Variants in STK35 observed in about 807,000 individuals in gnomAD.
The protein encoded by STK35 is serine/threonine kinase 35.
A neutral mutation model predicts 37.3 loss-of-function variants in STK35; 17 were observed. That is an observed-to-expected ratio of 0.46 (90% CI 0.31 to 0.68). The LOEUF is 0.68. Ranked by LOEUF, STK35 falls within the 30% of genes least tolerant of loss-of-function variation. The probability of loss-of-function intolerance (pLI) is 0.05; values close to 1 mark genes in which losing one functional copy is unlikely to be tolerated. For missense variants in STK35, 595 were observed against 746.7 expected (o/e 0.80, Z 2.37); for synonymous variants, 385 against 319.1 (o/e 1.21, Z -2.20).
intron 2 of STK35, among the ~76,000 whole-genome samples, chr20:2,113,987 C>A (rs544916936): frequency 3.2e-4 from 48 of 152,240 alleles, no homozygotes; most frequent in Middle Eastern, 3.4e-3. Flanking sequence ...AGGCAGTGGT[C>A]AGAGTTGGGG....
rs1265868374 is a variant in STK35 at position 2,107,601 on chromosome 20, T to C, written c.892+4236T>C. ...TAGTACAGTTGTCTGGGAGTTTAGTTAGGGGCATTGGGGAAGCAGGGGAAG... is the reference window on the plus strand; with the variant it reads ...TAGTACAGTTGTCTGGGAGTTTAGTCAGGGGCATTGGGGAAGCAGGGGAAG... On this transcript the variant is annotated intron_variant, in intron 2 of 3. Coordinates refer to ENST00000381482, the MANE Select transcript of STK35 (RefSeq NM_080836.4). Among the ~76,000 whole-genome samples the C allele has an allele frequency of 2.6e-5, 4 of 152,272 alleles. No individual in the cohort carries two copies. The East Asian group carries it at 7.7e-4, about 29-fold the overall frequency.
At position 2,102,901 on chromosome 20, in the gene STK35, G is replaced by C; in HGVS notation, c.428G>C (p.Arg143Thr). The C allele has an allele frequency of 6.4e-7, 1 of 1,566,464 alleles. No individual in the cohort carries two copies. Among genetic ancestry groups the C allele is most frequent in the Non-Finnish European group, 8.6e-7 (1 of 1,164,640 alleles). Residue 143 changes from arginine to threonine, a missense_variant, in exon 2 of 4, where the codon AGA becomes ACA. This residue lies in a region of STK35 where 389 missense variants were observed against 320.0 expected (regional missense o/e 1.22). Transcript: ENST00000381482. Reference sequence around the variant, plus strand: ...GAAACGGGGAAGGACGGCGCCCGCAGAGGTACACAAAGCCCGGAGCGGAAA... The same window carrying C: ...GAAACGGGGAAGGACGGCGCCCGCACAGGTACACAAAGCCCGGAGCGGAAA... The part of the protein sequence containing the change: ...AMETGKDGAR[R>T]GTQSPERKRR...
intron 3 of STK35, among the ~76,000 whole-genome samples, chr20:2,120,134 C>T (rs1382421129): frequency 1.3e-5 from 2 of 152,172 alleles, no homozygotes; most frequent in Admixed American, 1.3e-4. Flanking sequence ...TGAAAGACCT[C>T]TTAAAATTCA....
Position 2,119,848 on chromosome 20 carries a change from G to C in STK35, c.*37+2433G>C, listed in dbSNP as rs1233095038. On this transcript the variant is annotated intron_variant, in intron 3 of 3. Transcript: ENST00000381482. ...CTTCATTATCCTCTGGTTTCTAGGTGGGGTTGGCTCATTCCAAGTTGAGCT... is the reference window on the plus strand; with the variant it reads ...CTTCATTATCCTCTGGTTTCTAGGTCGGGTTGGCTCATTCCAAGTTGAGCT... Among the ~76,000 whole-genome samples, 5 of 152,292 alleles carry C rather than the reference G, an allele frequency of 3.3e-5. No individual in the cohort carries two copies. The East Asian group carries it at 9.7e-4, about 29-fold the overall frequency.
intron 3 of STK35, among the ~76,000 whole-genome samples, chr20:2,138,965 G>A (rs914685621): frequency 2.0e-5 from 3 of 152,204 alleles, no homozygotes; most frequent in Non-Finnish European, 4.4e-5. Flanking sequence ...ATTTAATGCT[G>A]CAGTGAGCTA....
Position 2,132,601 on chromosome 20 carries a change from G to C in STK35, c.*38-11183G>C, listed in dbSNP as rs946636461. ...TGAGGGGAGAACTGTCAGTCCCCCA[G>C]GAGGGGAAGATGAATTGCCACACTG... On this transcript the variant is annotated intron_variant, in intron 3 of 3. Transcript: ENST00000381482. Among the ~76,000 whole-genome samples the C allele has an allele frequency of 9.8e-5, 15 of 152,378 alleles. No homozygotes were observed. In the Middle Eastern group the frequency reaches 0.01, roughly 104 times the overall value.
At chr20:2,142,515 A>G (rs1986188827) in intron 3 of STK35, among the ~76,000 whole-genome samples, 1 of 152,150 alleles carries the variant, frequency 6.6e-6, no homozygotes. Context: ...AAACTCCTAG[A>G]TGGGCCAAGG....
At chr20:2,130,518 T>C (rs1329249173) in intron 3 of STK35, among the ~76,000 whole-genome samples, 3 of 152,196 alleles carry the variant, frequency 2.0e-5, no homozygotes, top group Non-Finnish European at 2.9e-5. Context: ...GTGCGGGGTC[T>C]TGTCACATGG....
At chr20:2,133,265 C>T (rs1395040617) in intron 3 of STK35, among the ~76,000 whole-genome samples, 1 of 152,162 alleles carries the variant, frequency 6.6e-6, no homozygotes, top group Non-Finnish European at 1.5e-5. Context: ...AGTAATGGCA[C>T]CTTAGCATCT....
chr20:2,120,353 T>G (rs1042444059), intron 3 of STK35, among the ~76,000 whole-genome samples: 2 of 152,170 alleles, frequency 1.3e-5, no homozygotes, highest in Admixed American at 6.5e-5. Context: ...GGGAAAAGAT[T>G]AGGAATATGG....
chr20:2,137,570 C>T (rs1272385477), intron 3 of STK35, among the ~76,000 whole-genome samples: 1 of 152,186 alleles, frequency 6.6e-6, no homozygotes, highest in Non-Finnish European at 1.5e-5. Flanking sequence ...ACATTTTGCC[C>T]GTTCTGTATA....
chr20:2,104,869 C>T (rs914277239), intron 2 of STK35, among the ~76,000 whole-genome samples: 15 of 152,004 alleles, frequency 9.9e-5, no homozygotes, highest in Admixed American at 2.0e-4. Flanking sequence ...GAAAAGACTT[C>T]CAGCAGGGCA....
intron 2 of STK35, among the ~76,000 whole-genome samples, chr20:2,113,423 A>G (rs1404049627): frequency 1.3e-5 from 2 of 152,208 alleles, no homozygotes; most frequent in African/African-American, 4.8e-5. Flanking sequence ...TGAGTATAAG[A>G]TAGACTGGTG....
chr20:2,123,889 G>A (rs1360548008), intron 3 of STK35, among the ~76,000 whole-genome samples: 2 of 152,152 alleles, frequency 1.3e-5, no homozygotes, highest in Non-Finnish European at 2.9e-5. Flanking sequence ...GGCAGCCTGA[G>A]GGGTTAGGCT....
chr20:2,125,647 C>T (rs1985892121), intron 3 of STK35, among the ~76,000 whole-genome samples: 1 of 152,228 alleles, frequency 6.6e-6, no homozygotes, highest in Non-Finnish European at 1.5e-5. Context: ...AGCACAGGCA[C>T]ACTGTGGCAG....
chr20:2,119,774 C>T (rs975176340), intron 3 of STK35, among the ~76,000 whole-genome samples: 1 of 152,210 alleles, frequency 6.6e-6, no homozygotes. Flanking sequence ...GCCTCAGGAG[C>T]CATAAGGCAC....
chr20:2,103,803 C>T (rs930632330), intron 2 of STK35, among the ~76,000 whole-genome samples: 1 of 152,116 alleles, frequency 6.6e-6, no homozygotes, highest in Admixed American at 6.6e-5. Flanking sequence ...CCACCCACAC[C>T]CTCTCCCTGT....
In STK35 at chr20:2,103,298, C is replaced by T. The variant is rs773114220; in HGVS notation, c.825C>T (p.Ala275=). Residue 275 remains alanine, a synonymous_variant, in exon 2 of 4, where the codon GCC becomes GCT. Coordinates refer to ENST00000381482, the MANE Select transcript of STK35 (RefSeq NM_080836.4). ...EECVLQRNGL[A]QRMSHGNKSS... ...GCGTCCTGCAGCGCAATGGGTTAGC[C>T]CAGCGCATGAGTCACGGCAACAAGA... 8 of 1,613,030 alleles carry T rather than the reference C, an allele frequency of 5.0e-6. No homozygotes were observed. Among genetic ancestry groups the T allele is most frequent in the Admixed American group, 3.3e-5 (2 of 59,970 alleles).
chr20:2,128,829 T>A (rs760247963), intron 3 of STK35, among the ~76,000 whole-genome samples: 6 of 152,066 alleles, frequency 3.9e-5, no homozygotes, highest in Non-Finnish European at 7.4e-5. Flanking sequence ...AACTTAGGTC[T>A]CTTAAGTGGA....
Sources: allele counts gnomAD v4.1 joint callset (sites outside exome capture counted in the v4.1 genomes callset), GRCh38; gene constraint gnomAD v4.1.1; regional missense constraint gnomAD v4.1.1; transcripts MANE v1.5; gene names NCBI Gene and HGNC (gene_info 2026-07-23, HGNC 2026-07-21).